Variants in GABRA1 observed in about 807,000 individuals in gnomAD.
GABRA1 encodes gamma-aminobutyric acid receptor subunit alpha-1.
GABRA1 carries 9 observed loss-of-function variants against 48.9 expected under a neutral mutation model. The observed-to-expected ratio is 0.18, with a 90% confidence interval of 0.11 to 0.32. GABRA1 has a LOEUF of 0.32. Ranked by LOEUF, GABRA1 falls within the 10% of genes least tolerant of loss-of-function variation. The probability of loss-of-function intolerance (pLI) is 1.00; values close to 1 mark genes in which losing one functional copy is unlikely to be tolerated. For synonymous variants in GABRA1, 210 were observed against 198.7 expected, an observed-to-expected ratio of 1.06 and a Z score of -0.48; for missense variants, 285 against 553.8, an observed-to-expected ratio of 0.51 and a Z score of 4.87.
chr5:161,854,115 A>AAT, intron 2 of GABRA1, 43 bp from the exon 3 acceptor site: 1 of 982,022 alleles, frequency 1.0e-6, no homozygotes, highest in Non-Finnish European at 1.6e-6. Flanking sequence ...TTTTAGTAGA[A>AAT]ATGTATAATT....
chr5:161,867,843 C>T (rs921514923), intron 4 of GABRA1, among the ~76,000 whole-genome samples: 1 of 151,776 alleles, frequency 6.6e-6, no homozygotes, highest in Non-Finnish European at 1.5e-5. Context: ...CTATAAAATA[C>T]CTTTTAGCTT....
At chr5:161,878,280 C>T (rs1041543638) in intron 6 of GABRA1, among the ~76,000 whole-genome samples, 10 of 152,104 alleles carry the variant, frequency 6.6e-5, no homozygotes, top group Admixed American at 1.3e-4. Context: ...TCATGCTTAG[C>T]GGAAAAGAAC....
chr5:161,858,673 A>G (rs560299048), intron 3 of GABRA1, among the ~76,000 whole-genome samples: 1 of 151,910 alleles, frequency 6.6e-6, no homozygotes, highest in East Asian at 1.9e-4. Flanking sequence ...CTTCTTGGAA[A>G]ACAAATTAGG....
chr5:161,883,861 T>C (rs1318028391), intron 7 of GABRA1, among the ~76,000 whole-genome samples: 10 of 152,138 alleles, frequency 6.6e-5, no homozygotes, highest in Non-Finnish European at 1.3e-4. Flanking sequence ...GCCCAGAAGC[T>C]TAAATGTTTA....
At chr5:161,859,824 A>T (rs1305936914) in intron 3 of GABRA1, among the ~76,000 whole-genome samples, 1 of 151,990 alleles carries the variant, frequency 6.6e-6, no homozygotes, top group Non-Finnish European at 1.5e-5. Context: ...TACATTACTG[A>T]CGATTTCCAA....
At chr5:161,853,191 T>C (rs1054628435) in intron 2 of GABRA1, among the ~76,000 whole-genome samples, 6 of 151,884 alleles carry the variant, frequency 4.0e-5, no homozygotes, top group African/African-American at 1.2e-4. Context: ...AAAATATGAT[T>C]CAAGGAGCAT....
intron 8 of GABRA1, among the ~76,000 whole-genome samples, chr5:161,895,269 C>G (rs137980985): frequency 1.1e-3 from 162 of 152,194 alleles, no homozygotes; most frequent in Middle Eastern, 6.8e-3. Context: ...TTAAACAGAG[C>G]TGAGTATCCA....
intron 2 of GABRA1, among the ~76,000 whole-genome samples, chr5:161,851,444 T>C (rs1399385040): frequency 6.6e-6 from 1 of 152,122 alleles, no homozygotes; most frequent in Non-Finnish European, 1.5e-5. Context: ...CAAATTTCCC[T>C]ATTAAAAAAA....
In GABRA1 at chr5:161,897,564, A is replaced by T; in HGVS notation, c.*142A>T. 1.2e-6 allele frequency: 1 copy of T among 831,962 alleles called. No homozygotes were observed. The highest frequency in any genetic ancestry group is 2.3e-4 in the Middle Eastern group (1 of 4,276). 51.5% of individuals were successfully genotyped at this position (831,962 alleles called of 1,614,324 possible). A position where few individuals can be genotyped will look rare whatever the true frequency, so the allele number is the denominator to read the frequency against. ...TATTTTCATAATTCATTTAAGAACA[A>T]GAGACCCCTGTCTGGCAGTCTGGAG... On this transcript the variant is annotated 3_prime_UTR_variant, in exon 10 of 10. Transcript: ENST00000393943.
chr5:161,884,566 G>T (rs1754755858), intron 7 of GABRA1, among the ~76,000 whole-genome samples: 1 of 152,098 alleles, frequency 6.6e-6, no homozygotes, highest in Admixed American at 6.6e-5. Context: ...AGGAAGGATT[G>T]TTGCAGGAAT....
rs1453036917 is a variant in GABRA1 at position 161,873,242 on chromosome 5, T to C, written c.381T>C (p.Phe127=). Residue 127 remains phenylalanine, a synonymous_variant, in exon 5 of 10, where the codon TTT becomes TTC. Transcript: ENST00000393943. ...GTAAAATCTGGACTCCGGACACATTTTTCCACAATGGAAAGAAGTCAGTGG... is the reference window on the plus strand; with the variant it reads ...GTAAAATCTGGACTCCGGACACATTCTTCCACAATGGAAAGAAGTCAGTGG... ...MASKIWTPDT[F]FHNGKKSVAH... 6.2e-7 allele frequency: 1 copy of C among 1,613,970 alleles called. No individual in the cohort carries two copies. Among genetic ancestry groups the C allele is most frequent in the Non-Finnish European group, 8.5e-7 (1 of 1,179,886 alleles).
At chr5:161,889,738 G>A (rs1050597363) in intron 7 of GABRA1, among the ~76,000 whole-genome samples, 1 of 152,150 alleles carries the variant, frequency 6.6e-6, no homozygotes, top group East Asian at 1.9e-4. Context: ...GAGAGGGGCA[G>A]CTGTTTGCTA....
chr5:161,870,580 A>G (rs1280407940), intron 4 of GABRA1, among the ~76,000 whole-genome samples: 2 of 151,428 alleles, frequency 1.3e-5, no homozygotes, highest in African/African-American at 4.9e-5. Context: ...AAAAAAAAAA[A>G]AGGAAAAAGA....
chr5:161,864,872 TGTTA>T (rs1422123653), intron 3 of GABRA1, among the ~76,000 whole-genome samples: 2 of 151,404 alleles, frequency 1.3e-5, no homozygotes, highest in African/African-American at 4.8e-5. Context: ...GTAAATGAAC[TGTTA>T]AAGATACTGC....
chr5:161,880,760 T>C (rs911405210), intron 6 of GABRA1, among the ~76,000 whole-genome samples: 1 of 152,164 alleles, frequency 6.6e-6, no homozygotes, highest in Non-Finnish European at 1.5e-5. Context: ...CATTAGAAGC[T>C]TTGTTTTAGG....
intron 4 of GABRA1, among the ~76,000 whole-genome samples, chr5:161,869,053 C>T (rs1753996724): frequency 6.6e-6 from 1 of 152,092 alleles, no homozygotes; most frequent in South Asian, 2.1e-4. Context: ...TTGTATCTGA[C>T]CACCTTGCTT....
intron 7 of GABRA1, among the ~76,000 whole-genome samples, chr5:161,888,034 G>A (rs908633950): frequency 6.6e-6 from 1 of 152,090 alleles, no homozygotes; most frequent in Non-Finnish European, 1.5e-5. Flanking sequence ...AATTATATTA[G>A]TTGCTTTTCT....
At chr5:161,860,222 T>C (rs1453054603) in intron 3 of GABRA1, among the ~76,000 whole-genome samples, 2 of 151,824 alleles carry the variant, frequency 1.3e-5, no homozygotes, top group Admixed American at 1.3e-4. Context: ...CCCAAAGGAA[T>C]GTTCTAGCGT....
At chr5:161,889,126 CAAT>C in intron 7 of GABRA1, among the ~76,000 whole-genome samples, 1 of 152,066 alleles carries the variant, frequency 6.6e-6, no homozygotes, top group Non-Finnish European at 1.5e-5. Flanking sequence ...GTGCTATTAT[CAAT>C]AACAGTTAAT....
Sources: allele counts gnomAD v4.1 joint callset (sites outside exome capture counted in the v4.1 genomes callset), GRCh38; gene constraint gnomAD v4.1.1; transcripts MANE v1.5; gene names NCBI Gene and HGNC (gene_info 2026-07-23, HGNC 2026-07-21).